SETD4: variants seen among roughly 807,000 people sequenced by gnomAD.
The protein encoded by SETD4 is SET domain containing 4.
A neutral mutation model predicts 58.3 loss-of-function variants in SETD4; 46 were observed. The ratio of observed to expected loss-of-function variants is 0.79; its 90% confidence interval spans 0.62 to 1.01. SETD4 has a LOEUF of 1.01. Ranked by LOEUF, SETD4 falls within the 50% of genes least tolerant of loss-of-function variation. The pLI is 0.00. For synonymous variants in SETD4, 190 were observed against 202.6 expected (o/e 0.94, Z 0.53); for missense variants, 490 against 523.3 (o/e 0.94, Z 0.62).
chr21:36,059,699 TA>T (rs1050175513), intron 1 of SETD4: 9 of 957,036 alleles, frequency 9.4e-6, no homozygotes, highest in Admixed American at 6.2e-5. Context: ...AAAAATAAAT[TA>T]AAAAAATAAA....
Position 36,036,178 on chromosome 21 carries a change from T to A in SETD4, c.1262A>T (p.Glu421Val), listed in dbSNP as rs902498078. 2 of 1,614,050 alleles carry A rather than the reference T, an allele frequency of 1.2e-6. No individual in the cohort carries two copies. The highest frequency in any genetic ancestry group is 4.5e-5 in the East Asian group (2 of 44,890). The change falls in exon 11 of 12, where the codon GAG becomes GTG. Residue 421 changes from glutamate to valine, a missense_variant. Physicochemically the swap from Glu to Val is moderately radical, Grantham distance 121. Transcript: ENST00000332131. The stretch of plus-strand genomic sequence containing the variant: ...GGCAGATGCCCTGAGAATCTTTAGC[T>A]CTTCCGTCCACAAGGATTCCACCAA... ...LTLVESLWTE[E>V]LKILRASAET...
In SETD4 at chr21:36,048,293, T is replaced by C. The variant is rs758245485; in HGVS notation, c.296+15A>G. 1.2e-6 allele frequency: 2 copies of C among 1,611,284 alleles called. No individual in the cohort carries two copies. The highest frequency in any genetic ancestry group is 1.1e-5 in the South Asian group (1 of 90,996). ...GAAGCACTTGCACCAGGTAAGCAAG[T>C]GTGTGGTCACTTACTTAGTAATGTA... On this transcript the variant is annotated intron_variant, in intron 5 of 11. Coordinates refer to ENST00000332131, the MANE Select transcript of SETD4 (RefSeq NM_017438.5).
chr21:36,050,270 G>A, intron 4 of SETD4: 1 of 1,563,846 alleles, frequency 6.4e-7, no homozygotes, highest in Non-Finnish European at 8.8e-7. Context: ...GTCCCATCAG[G>A]GAAGACTATC....
At chr21:36,059,299 G>C (rs1347683352) in intron 1 of SETD4, 1 of 154,180 alleles carries the variant, frequency 6.5e-6, no homozygotes, top group Admixed American at 6.5e-5. Flanking sequence ...TTGAACCTGG[G>C]AGGCGGAGGT....
chr21:36,040,517 C>A (rs2063996829), intron 9 of SETD4, 58 bp downstream of exon 9: 5 of 1,481,996 alleles, frequency 3.4e-6, no homozygotes, highest in Middle Eastern at 1.7e-4. Flanking sequence ...CAAACCAACC[C>A]TCCAAAGTTA....
intron 7 of SETD4, 193 bp from the exon 8 acceptor site, chr21:36,042,081 G>C (rs2064092929): frequency 2.6e-6 from 1 of 385,912 alleles, no homozygotes; most frequent in South Asian, 3.5e-5. Context: ...CTGAAAGGCT[G>C]TAAGAATTTC....
At chr21:36,042,792 C>T (rs1007707158) in intron 7 of SETD4, 2 of 152,100 alleles carry the variant, frequency 1.3e-5, no homozygotes, top group Middle Eastern at 3.2e-3. Flanking sequence ...AGTGTAATGG[C>T]TAACTTACTA....
At chr21:36,057,930 C>G (rs997514291) in intron 2 of SETD4, among the ~76,000 whole-genome samples, 3 of 152,206 alleles carry the variant, frequency 2.0e-5, no homozygotes, top group African/African-American at 7.2e-5. Context: ...TGTACCATAT[C>G]CAGTTGGATT....
chr21:36,054,014 G>C (rs763308904), intron 3 of SETD4, among the ~76,000 whole-genome samples: 1 of 152,134 alleles, frequency 6.6e-6, no homozygotes, highest in Non-Finnish European at 1.5e-5. Context: ...CCCATTACCA[G>C]ACTCAGCTCT....
At chr21:36,039,972 G>A (rs575216347) in intron 9 of SETD4, among the ~76,000 whole-genome samples, 2 of 152,354 alleles carry the variant, frequency 1.3e-5, no homozygotes, top group South Asian at 2.1e-4. Flanking sequence ...GCAGCAGAAG[G>A]TTGAAGGCTG....
intron 4 of SETD4, chr21:36,051,008 C>G: frequency 2.5e-6 from 4 of 1,576,902 alleles, no homozygotes; most frequent in Non-Finnish European, 3.5e-6. Flanking sequence ...GTGGCGTTGA[C>G]CTGTTGATGA....
intron 7 of SETD4, chr21:36,043,242 C>A: frequency 6.0e-6 from 1 of 166,020 alleles, no homozygotes; most frequent in Non-Finnish European, 1.2e-5. Context: ...GCCTGAGCAA[C>A]AGAGTGCGAC....
At chr21:36,048,530 G>T in intron 4 of SETD4, 134 bp from the exon 5 acceptor site, 1 of 753,064 alleles carries the variant, frequency 1.3e-6, no homozygotes, top group Non-Finnish European at 2.3e-6. Context: ...CCACCAATGA[G>T]CCTACCAATG....
rs758512991 is a variant in SETD4, at chr21:36,053,679, TA to T, written c.170-60del. ...TACCATAACTTCAAGGTCCCAGAGATAACTATTATGGAAAAAAAAAATGTGA... is the reference window on the plus strand; with the variant it reads ...TACCATAACTTCAAGGTCCCAGAGATACTATTATGGAAAAAAAAAATGTGA... On this transcript the variant is annotated intron_variant, in intron 3 of 11. Transcript: ENST00000332131. 470 of 1,540,672 alleles carry T rather than the reference TA, an allele frequency of 3.1e-4. 2 individuals carry two copies. The highest frequency in any genetic ancestry group is 4.0e-4 in the Non-Finnish European group (446 of 1,118,434).
At chr21:36,047,728 C>T (rs1224580808) in intron 5 of SETD4, among the ~76,000 whole-genome samples, 1 of 150,800 alleles carries the variant, frequency 6.6e-6, no homozygotes, top group Non-Finnish European at 1.5e-5. Flanking sequence ...CGGTGGCTCA[C>T]ACCTGTAATC....
At position 36,052,344 on chromosome 21, in the gene SETD4, C is replaced by T. The variant is rs563670256; in HGVS notation, c.207+1239G>A. On this transcript the variant is annotated intron_variant, in intron 4 of 11. Coordinates refer to ENST00000332131, the MANE Select transcript of SETD4 (RefSeq NM_017438.5). The stretch of plus-strand genomic sequence containing the variant: ...GGCAGATCACCTGAGGTCAGAAGTT[C>T]AAGACCAGCCTAGCCAAGATGGTGA... Among the ~76,000 whole-genome samples the T allele has an allele frequency of 2.0e-5, 3 of 147,424 alleles. No individual in the cohort carries two copies. In the East Asian group the frequency reaches 6.0e-4, roughly 30 times the overall value.
chr21:36,035,369 G>C lies in SETD4; in HGVS notation c.*624C>G, dbSNP rs1054157178. 6.6e-6 allele frequency: 1 copy of C among 152,586 alleles called. No individual in the cohort carries two copies. Among genetic ancestry groups the C allele is most frequent in the African/African-American group, 2.4e-5 (1 of 41,468 alleles). The allele number at this position is 152,586 out of a possible 1,614,324, so 9.5% of individuals were successfully genotyped here. On this transcript the variant is annotated 3_prime_UTR_variant, in exon 12 of 12. Coordinates refer to ENST00000332131, the MANE Select transcript of SETD4 (RefSeq NM_017438.5). ...GATGAGCCAGCTCCCCAGGTGGAAA[G>C]GCCTGCCCAGGAAAGTCGCCAGAAC... is the stretch of plus-strand genomic sequence containing the variant.
At chr21:36,060,262 TGAAAGACTAAG>T in intron 1 of SETD4, 74 bp downstream of exon 1, 4 of 433,468 alleles carry the variant, frequency 9.2e-6, no homozygotes, top group Non-Finnish European at 9.2e-6. Flanking sequence ...CGCTGATGAA[TGAAAGACTAAG>T]GAACGCACCC....
chr21:36,041,678 G>A lies in SETD4; in HGVS notation c.983+129C>T, dbSNP rs921442436. 1.1e-5 allele frequency: 7 copies of A among 629,028 alleles called. 1 individual carries two copies. The highest frequency in any genetic ancestry group is 1.9e-5 in the Non-Finnish European group (7 of 360,320). The allele number at this position is 629,028 out of a possible 1,614,324, so 39.0% of individuals were successfully genotyped here. ...AGCGCAGTTTTACTGCACATAGTAA[G>A]TGCTCAATACCTACCCGTCAGCTGA... On this transcript the variant is annotated intron_variant, in intron 8 of 11. Coordinates refer to ENST00000332131, the MANE Select transcript of SETD4 (RefSeq NM_017438.5).
Sources: gnomAD v4.1 joint callset for allele counts (sites outside exome capture counted in the v4.1 genomes callset) on GRCh38, gnomAD v4.1.1 for gene constraint, MANE v1.5 for transcripts, NCBI Gene and HGNC (gene_info 2026-07-23, HGNC 2026-07-21) for gene names.